NAV3: variants seen among roughly 807,000 people sequenced by gnomAD.
The protein encoded by NAV3 is neuron navigator 3, also known as pore membrane and/or filament interacting like protein 1.
NAV3 carries 87 observed loss-of-function variants against 244.7 expected under a neutral mutation model. The ratio of observed to expected loss-of-function variants is 0.36; its 90% confidence interval spans 0.30 to 0.42. NAV3 has a LOEUF of 0.42. Among genes scored for constraint, NAV3 ranks in the 20% least tolerant of loss-of-function variants. The pLI is 1.00. For synonymous variants in NAV3, 1,126 were observed against 1,042.2 expected (o/e 1.08, Z -1.55); for missense variants, 2,663 against 2,893.3 (o/e 0.92, Z 1.83).
intron 2 of NAV3, among the ~76,000 whole-genome samples, chr12:77,804,939 A>C (rs1325213576): frequency 6.6e-6 from 1 of 152,008 alleles, no homozygotes; most frequent in Non-Finnish European, 1.5e-5. Flanking sequence ...TGAATTGTGA[A>C]TAGGATTCAC....
intron 9 of NAV3, 121 bp downstream of exon 9, chr12:78,021,983 C>CCTG: frequency 2.2e-6 from 1 of 455,482 alleles, no homozygotes; most frequent in East Asian, 3.5e-5. Context: ...CTATATACAT[C>CCTG]TCATGCTTCA....
At chr12:77,851,702 G>A (rs979837103) in intron 1 of NAV3, among the ~76,000 whole-genome samples, 8 of 151,972 alleles carry the variant, frequency 5.3e-5, no homozygotes, top group African/African-American at 1.9e-4. Context: ...TCCTACTTAA[G>A]AATAATAAAT....
intron 2 of NAV3, among the ~76,000 whole-genome samples, chr12:77,651,118 A>G (rs1276715225): frequency 6.6e-6 from 1 of 152,084 alleles, no homozygotes; most frequent in Non-Finnish European, 1.5e-5. Flanking sequence ...GTGTGAGACT[A>G]TACCTTTCTT....
intron 2 of NAV3, among the ~76,000 whole-genome samples, chr12:77,681,187 G>A (rs1175125433): frequency 6.6e-6 from 1 of 152,100 alleles, no homozygotes; most frequent in Non-Finnish European, 1.5e-5. Flanking sequence ...CAGAATTTCA[G>A]TAAGTTCTCC....
intron 5 of NAV3, among the ~76,000 whole-genome samples, 172 bp from the exon 6 acceptor site, chr12:77,994,631 G>A (rs912792110): frequency 1.4e-4 from 21 of 151,986 alleles, no homozygotes; most frequent in African/African-American, 5.1e-4. Context: ...ATAATCAAAG[G>A]TCATGTTGGA....
At chr12:77,914,400 G>A (rs950229659) in intron 1 of NAV3, among the ~76,000 whole-genome samples, 1 of 152,030 alleles carries the variant, frequency 6.6e-6, no homozygotes, top group African/African-American at 2.4e-5. Flanking sequence ...GAGTTTAGTA[G>A]TTACTTTGAT....
intron 18 of NAV3, among the ~76,000 whole-genome samples, chr12:78,131,374 G>T (rs576833167): frequency 6.6e-6 from 1 of 152,246 alleles, no homozygotes; most frequent in South Asian, 2.1e-4. Flanking sequence ...GCCAAAGAAT[G>T]TATAGCTTTT....
chr12:77,708,739 G>C (rs1875957741), intron 2 of NAV3, among the ~76,000 whole-genome samples: 1 of 152,142 alleles, frequency 6.6e-6, no homozygotes, highest in Non-Finnish European at 1.5e-5. Flanking sequence ...ATGTTGTTGA[G>C]CAGTGGTTTG....
intron 2 of NAV3, among the ~76,000 whole-genome samples, chr12:77,817,270 A>C (rs1176188065): frequency 3.9e-5 from 6 of 152,160 alleles, no homozygotes; most frequent in African/African-American, 1.2e-4. Flanking sequence ...TGGAGCAGAC[A>C]GTTTTAGGTT....
chr12:78,174,444 G>A (rs1037612404), intron 24 of NAV3, among the ~76,000 whole-genome samples: 1 of 151,750 alleles, frequency 6.6e-6, no homozygotes, highest in African/African-American at 2.4e-5. Flanking sequence ...GCCTAAGGCT[G>A]AGACTGGCTC....
chr12:77,780,611 C>A (rs970731112), intron 2 of NAV3, among the ~76,000 whole-genome samples: 3 of 152,148 alleles, frequency 2.0e-5, no homozygotes, highest in African/African-American at 7.2e-5. Flanking sequence ...TGCTATGAGG[C>A]GAGTTATTGA....
intron 2 of NAV3, among the ~76,000 whole-genome samples, chr12:77,675,661 C>T (rs1281554138): frequency 6.6e-6 from 1 of 152,132 alleles, no homozygotes; most frequent in Non-Finnish European, 1.5e-5. Context: ...AGGTAAACAT[C>T]AGCCTCTCAT....
At position 77,664,457 on chromosome 12, in the gene NAV3, G is replaced by C. The variant is rs553419644; in HGVS notation, c.72+92191G>C. Among the ~76,000 whole-genome samples the C allele has an allele frequency of 2.6e-5, 4 of 152,100 alleles. No individual in the cohort carries two copies. The South Asian group carries it at 8.3e-4, about 32-fold the overall frequency. On this transcript the variant is annotated intron_variant, in intron 2 of 8. Coordinates refer to the NAV3 transcript ENST00000550042. ...GGATATTTAAATACTTTTTCTTTTTGACACTTTTAATGTGCACTTGTAATT... is the reference window on the plus strand; with the variant it reads ...GGATATTTAAATACTTTTTCTTTTTCACACTTTTAATGTGCACTTGTAATT...
In NAV3 at chr12:78,050,693, T is replaced by C. The variant is rs188606467; in HGVS notation, c.2133-71T>C. On this transcript the variant is annotated intron_variant, in intron 10 of 39. Transcript: ENST00000397909. ...GATGACCCTCAACTCCAGCCTTTTC[T>C]GTCTTCATGCATTCTAGATTATGGC... The C allele has an allele frequency of 2.5e-3, 3,734 of 1,482,856 alleles. 5 individuals are homozygous for C. The highest frequency in any genetic ancestry group is 3.1e-3 in the Non-Finnish European group (3,410 of 1,101,516). 91.9% of individuals were successfully genotyped at this position (1,482,856 alleles called of 1,614,324 possible). A position where few individuals can be genotyped will look rare whatever the true frequency, so the allele number is the denominator to read the frequency against.
At chr12:77,921,200 C>A (rs1310921086) in intron 1 of NAV3, among the ~76,000 whole-genome samples, 1 of 151,788 alleles carries the variant, frequency 6.6e-6, no homozygotes, top group Non-Finnish European at 1.5e-5. Flanking sequence ...AATCTAGTGC[C>A]TGAGGATATG....
intron 1 of NAV3, among the ~76,000 whole-genome samples, chr12:77,844,170 G>A (rs897761333): frequency 2.0e-5 from 3 of 152,146 alleles, no homozygotes; most frequent in South Asian, 2.1e-4. Flanking sequence ...GTCTAAGATC[G>A]AGGTGACGGC....
chr12:77,577,232 A>G (rs1869130911), intron 2 of NAV3, among the ~76,000 whole-genome samples: 1 of 152,150 alleles, frequency 6.6e-6, no homozygotes, highest in African/African-American at 2.4e-5. Flanking sequence ...TTCCACAAAC[A>G]GCTGTCTCCC....
At chr12:77,909,209 G>A (rs139966920) in intron 1 of NAV3, among the ~76,000 whole-genome samples, 5 of 152,198 alleles carry the variant, frequency 3.3e-5, no homozygotes, top group African/African-American at 1.2e-4. Context: ...GATAATTAAA[G>A]ATGATAATTT....
chr12:78,075,872 C>A (rs1953023381), intron 12 of NAV3, among the ~76,000 whole-genome samples: 1 of 152,118 alleles, frequency 6.6e-6, no homozygotes, highest in Non-Finnish European at 1.5e-5. Flanking sequence ...ACTCTCAGTC[C>A]TATATAATTC....
Sources: gnomAD v4.1 joint callset for allele counts (sites outside exome capture counted in the v4.1 genomes callset) on GRCh38, gnomAD v4.1.1 for gene constraint, MANE v1.5 for transcripts, NCBI Gene and HGNC (gene_info 2026-07-23, HGNC 2026-07-21) for gene names.